SPAG16: variants seen among roughly 807,000 people sequenced by gnomAD.
The protein encoded by SPAG16 is sperm associated antigen 16.
SPAG16 carries 86 observed loss-of-function variants against 80.4 expected under a neutral mutation model. That is an observed-to-expected ratio of 1.07 (90% CI 0.90 to 1.28). SPAG16 has a LOEUF of 1.28. SPAG16 is among the 50% of genes most tolerant of loss of function. SPAG16 has a pLI of 0.00. For synonymous variants in SPAG16, 294 were observed against 265.9 expected, an observed-to-expected ratio of 1.11 and a Z score of -1.03; for missense variants, 870 against 765.3, an observed-to-expected ratio of 1.14 and a Z score of -1.61.
chr2:214,209,915 G>A (rs536876669), intron 15 of SPAG16, among the ~76,000 whole-genome samples: 3 of 152,204 alleles, frequency 2.0e-5, no homozygotes, highest in African/African-American at 7.2e-5. Flanking sequence ...GCCATCTACA[G>A]TGTTTGTCAT....
intron 10 of SPAG16, among the ~76,000 whole-genome samples, chr2:213,749,113 C>A (rs1217886936): frequency 6.6e-6 from 1 of 152,162 alleles, no homozygotes; most frequent in Non-Finnish European, 1.5e-5. Flanking sequence ...CGCCACTGTA[C>A]TACACCCTGG....
chr2:214,247,280 C>A (rs1350338148), intron 15 of SPAG16, among the ~76,000 whole-genome samples: 1 of 151,636 alleles, frequency 6.6e-6, no homozygotes, highest in South Asian at 2.1e-4. Flanking sequence ...TTAGGATATT[C>A]TTTTATATCT....
intron 5 of SPAG16, chr2:213,317,608 C>G: frequency 9.0e-7 from 1 of 1,113,848 alleles, no homozygotes. Flanking sequence ...ATATAACATT[C>G]ACTTCCTTGT....
intron 11 of SPAG16, among the ~76,000 whole-genome samples, chr2:213,889,164 T>C (rs1398372179): frequency 1.3e-5 from 2 of 151,996 alleles, no homozygotes; most frequent in African/African-American, 4.8e-5. Context: ...TTTAAGAAGA[T>C]AGAAAGCCAT....
chr2:213,843,684 C>G (rs987702581), intron 10 of SPAG16, among the ~76,000 whole-genome samples: 6 of 150,724 alleles, frequency 4.0e-5, no homozygotes, highest in African/African-American at 1.5e-4. Context: ...AAACGCGTCT[C>G]TACTAAAAAT....
chr2:213,789,566 A>G (rs940296101), intron 10 of SPAG16, among the ~76,000 whole-genome samples: 3 of 151,930 alleles, frequency 2.0e-5, no homozygotes, highest in African/African-American at 7.2e-5. Flanking sequence ...TTTTATTTGA[A>G]AAGCAGCTTA....
intron 12 of SPAG16, among the ~76,000 whole-genome samples, chr2:214,004,376 G>GA (rs1402905446): frequency 6.6e-6 from 1 of 152,118 alleles, no homozygotes; most frequent in Non-Finnish European, 1.5e-5. Context: ...CACTGTAAAT[G>GA]ATTCAATCCT....
At chr2:213,415,959 A>G (rs2069229981) in intron 9 of SPAG16, among the ~76,000 whole-genome samples, 1 of 152,210 alleles carries the variant, frequency 6.6e-6, no homozygotes, top group African/African-American at 2.4e-5. Context: ...GTTAATCATA[A>G]AATAAGGATA....
intron 15 of SPAG16, among the ~76,000 whole-genome samples, chr2:214,177,937 C>CATATATATATATA (rs2057162614): frequency 2.7e-5 from 1 of 37,726 alleles, no homozygotes; most frequent in Non-Finnish European, 4.5e-5. Context: ...ATATATATGG[C>CATATATATATATA]CAGAATTGTT....
chr2:214,255,868 T>C (rs749327852), intron 15 of SPAG16, among the ~76,000 whole-genome samples: 6 of 151,986 alleles, frequency 3.9e-5, no homozygotes, highest in Non-Finnish European at 7.4e-5. Context: ...ACGCTATTAA[T>C]GTGGGCATGA....
At chr2:214,079,822 G>A (rs1359970118) in intron 13 of SPAG16, among the ~76,000 whole-genome samples, 3 of 152,222 alleles carry the variant, frequency 2.0e-5, no homozygotes, top group East Asian at 1.9e-4. Flanking sequence ...CCAACCCCAG[G>A]TTTTTGTCCT....
chr2:213,821,485 G>A (rs1253024964), intron 10 of SPAG16, among the ~76,000 whole-genome samples: 1 of 152,048 alleles, frequency 6.6e-6, no homozygotes, highest in African/African-American at 2.4e-5. Flanking sequence ...ATACATAAAT[G>A]CATAAGTAAT....
intron 10 of SPAG16, among the ~76,000 whole-genome samples, chr2:213,846,584 A>G (rs2074639530): frequency 6.6e-6 from 1 of 152,070 alleles, no homozygotes; most frequent in Non-Finnish European, 1.5e-5. Context: ...TATAATTATA[A>G]ATAAAATAAT....
At chr2:213,959,400 C>T (rs750855598) in intron 12 of SPAG16, among the ~76,000 whole-genome samples, 4 of 152,146 alleles carry the variant, frequency 2.6e-5, no homozygotes, top group Non-Finnish European at 5.9e-5. Context: ...TCACCTTTCA[C>T]CTAGTTAAAA....
chr2:213,356,474 G>A (rs1225396850), intron 7 of SPAG16, among the ~76,000 whole-genome samples: 1 of 152,204 alleles, frequency 6.6e-6, no homozygotes, highest in Non-Finnish European at 1.5e-5. Flanking sequence ...GTTTATTCTT[G>A]TGAGAGAGTG....
chr2:213,369,800 C>T (rs1283556767), intron 8 of SPAG16, among the ~76,000 whole-genome samples: 1 of 151,978 alleles, frequency 6.6e-6, no homozygotes, highest in Non-Finnish European at 1.5e-5. Flanking sequence ...ATACCACCTG[C>T]CCCCACCCAT....
chr2:213,641,412 C>T (rs2062583960), intron 10 of SPAG16, among the ~76,000 whole-genome samples: 2 of 152,224 alleles, frequency 1.3e-5, no homozygotes, highest in African/African-American at 4.8e-5. Flanking sequence ...GCCACAGCTT[C>T]TGTGCTTATG....
chr2:214,402,943 G>A (rs1207932952), intron 15 of SPAG16, among the ~76,000 whole-genome samples: 2 of 151,738 alleles, frequency 1.3e-5, no homozygotes, highest in Non-Finnish European at 2.9e-5. Context: ...GGAAACTGGA[G>A]TGGCACACTC....
chr2:213,900,090 G>A (rs1203343150), intron 11 of SPAG16, among the ~76,000 whole-genome samples: 1 of 152,086 alleles, frequency 6.6e-6, no homozygotes, highest in East Asian at 1.9e-4. Context: ...ATCCTCCTTA[G>A]ACTTGAACTC....
Sources: allele counts gnomAD v4.1 joint callset (sites outside exome capture counted in the v4.1 genomes callset), GRCh38; gene constraint gnomAD v4.1.1; transcripts MANE v1.5; gene names NCBI Gene and HGNC (gene_info 2026-07-23, HGNC 2026-07-21).